Variants in SLAIN1 observed in about 807,000 individuals in gnomAD.
The protein encoded by SLAIN1 is SLAIN motif-containing protein 1.
In SLAIN1, 17 loss-of-function variants were observed where a neutral mutation model predicts 55.4. The observed-to-expected ratio is 0.31, with a 90% confidence interval of 0.21 to 0.46. The LOEUF is 0.46. Among genes scored for constraint, SLAIN1 ranks in the 20% least tolerant of loss-of-function variants. SLAIN1 has a pLI of 1.00. For missense variants in SLAIN1, 682 were observed against 785.1 expected, an observed-to-expected ratio of 0.87 and a Z score of 1.57; for synonymous variants, 348 against 337.4, an observed-to-expected ratio of 1.03 and a Z score of -0.35.
chr13:77,761,022 A>T lies in SLAIN1; in HGVS notation c.1609A>T (p.Ile537Leu), dbSNP rs369194041. Residue 537 changes from isoleucine to leucine, a missense_variant, in exon 6 of 7, where the codon ATA (isoleucine) becomes TTA (leucine). Ile to Leu is a conservative substitution (Grantham distance 5). Around this residue, in one of 3 missense-constraint regions of SLAIN1, gnomAD observed 244 missense variants for 295.2 expected, o/e 0.83. Coordinates refer to ENST00000418532, the MANE Select transcript of SLAIN1 (RefSeq NM_001242868.2). ...ACCGAACAAAGCTGCAGCTTCTGGG[A>T]TAATGGGTCGCAGTGCACTCCCAAG... ...PTPNKAAASG[I>L]MGRSALPRPS... 18 of 1,614,214 alleles carry T rather than the reference A, an allele frequency of 1.1e-5. No individual in the cohort carries two copies. In the African/African-American group the frequency reaches 1.5e-4, roughly 13 times the overall value.
intron 1 of SLAIN1, among the ~76,000 whole-genome samples, chr13:77,716,282 A>G (rs903701429): frequency 6.6e-6 from 1 of 151,638 alleles, no homozygotes; most frequent in African/African-American, 2.4e-5. Flanking sequence ...ATGCTACACT[A>G]AACTGTTTTC....
chr13:77,731,133 A>C (rs1397064011), intron 2 of SLAIN1, among the ~76,000 whole-genome samples: 1 of 152,168 alleles, frequency 6.6e-6, no homozygotes, highest in African/African-American at 2.4e-5. Flanking sequence ...TTTCTTTGAC[A>C]GATCCTCAGG....
intron 2 of SLAIN1, among the ~76,000 whole-genome samples, chr13:77,733,028 C>A (rs1379497724): frequency 2.0e-5 from 3 of 152,074 alleles, no homozygotes. Flanking sequence ...TGATTAGATG[C>A]CTTATCCATT....
At chr13:77,737,246 C>T (rs1375231663) in intron 2 of SLAIN1, among the ~76,000 whole-genome samples, 2 of 152,030 alleles carry the variant, frequency 1.3e-5, no homozygotes, top group African/African-American at 4.8e-5. Flanking sequence ...AAATGTGGCT[C>T]ATTGAACCTA....
chr13:77,698,544 T>C lies in SLAIN1; in HGVS notation c.626+5T>C, dbSNP rs934111393. ...GGACGAGGACGACTACACCTGGTAC[T>C]GCCTGGCTCCGCTCCTTCCCCGAGA... On this transcript the variant is annotated splice_donor_5th_base_variant and intron_variant, in intron 1 of 6. Coordinates refer to ENST00000418532, the MANE Select transcript of SLAIN1 (RefSeq NM_001242868.2). This position sits in a 1 kb window ranked among gnomAD's most constrained non-coding sequence, Gnocchi z 4.1. 5 of 1,421,834 alleles carry C rather than the reference T, an allele frequency of 3.5e-6. No homozygotes were observed. Among genetic ancestry groups the C allele is most frequent in the Non-Finnish European group, 4.6e-6 (5 of 1,098,352 alleles). 88.1% of individuals were successfully genotyped at this position (1,421,834 alleles called of 1,614,324 possible).
Position 77,763,130 on chromosome 13 carries a change from C to A in SLAIN1, c.1698-15C>A. The A allele has an allele frequency of 6.2e-7, 1 of 1,609,160 alleles. No homozygotes were observed. Among genetic ancestry groups the A allele is most frequent in the Non-Finnish European group, 8.5e-7 (1 of 1,175,872 alleles). On this transcript the variant is annotated splice_polypyrimidine_tract_variant and intron_variant, in intron 6 of 6. Coordinates refer to ENST00000418532, the MANE Select transcript of SLAIN1 (RefSeq NM_001242868.2). ...ATTAACAATCTCTCTCTCTGTTTTT[C>A]TTGTCTCTTTTTAGTTTTCTTCAGC... is the stretch of plus-strand genomic sequence containing the variant.
At chr13:77,701,746 C>T (rs1429749802) in intron 1 of SLAIN1, among the ~76,000 whole-genome samples, 1 of 151,696 alleles carries the variant, frequency 6.6e-6, no homozygotes, top group Admixed American at 6.6e-5. Context: ...TTCTTTCTTT[C>T]TTTCTTTCTT....
chr13:77,752,098 T>C (rs912143791), intron 4 of SLAIN1, among the ~76,000 whole-genome samples: 1 of 152,160 alleles, frequency 6.6e-6, no homozygotes, highest in African/African-American at 2.4e-5. Context: ...AGCATTCTCT[T>C]GGTCTTTTTT....
chr13:77,698,341 C>T lies in SLAIN1; in HGVS notation c.428C>T (p.Pro143Leu), dbSNP rs1429081090. ...CTGCTTTGCAGCCTGGCGCAGCCACCCGAGGCGCCCTTCGTCTACTTCAAG... is the reference window on the plus strand; with the variant it reads ...CTGCTTTGCAGCCTGGCGCAGCCACTCGAGGCGCCCTTCGTCTACTTCAAG... Reference protein sequence around the residue: ...PSLLCSLAQPPEAPFVYFKPA... With the variant: ...PSLLCSLAQPLEAPFVYFKPA... Residue 143 changes from proline (P) to leucine (L), a missense_variant, in exon 1 of 7, where the codon CCC becomes CTC. Physicochemically the swap from Pro to Leu is moderately conservative, Grantham distance 98. Coordinates refer to ENST00000418532, the MANE Select transcript of SLAIN1 (RefSeq NM_001242868.2). This position sits in a 1 kb window ranked among gnomAD's most constrained non-coding sequence, Gnocchi z 4.1. 6.9e-7 allele frequency: 1 copy of T among 1,448,106 alleles called. No homozygotes were observed. Among genetic ancestry groups the T allele is most frequent in the South Asian group, 1.3e-5 (1 of 75,738 alleles). The allele number at this position is 1,448,106 out of a possible 1,614,324, so 89.7% of individuals were successfully genotyped here.
rs2091001078 is a variant in SLAIN1 at position 77,698,826 on chromosome 13, C to T, written c.626+287C>T. On this transcript the variant is annotated intron_variant, in intron 1 of 6. Transcript: ENST00000418532. The surrounding 1 kb of genome is among the most constrained non-coding windows in gnomAD (Gnocchi z 4.1). The stretch of plus-strand genomic sequence containing the variant: ...TCTGCTATTTGCTGATTGTTGGGTC[C>T]CAAGCTCCTCGTTAGCATTAAGTGC... 1 of 1,461,852 alleles carries T rather than the reference C, an allele frequency of 6.8e-7. No homozygotes were observed. Among genetic ancestry groups the T allele is most frequent in the Admixed American group, 2.1e-5 (1 of 46,608 alleles). 90.6% of individuals were successfully genotyped at this position (1,461,852 alleles called of 1,614,324 possible).
chr13:77,747,879 A>G (rs868472633), intron 4 of SLAIN1, among the ~76,000 whole-genome samples: 1 of 152,132 alleles, frequency 6.6e-6, no homozygotes, highest in African/African-American at 2.4e-5. Context: ...TCTAAGAACT[A>G]TGGGAGAAGC....
intron 1 of SLAIN1, among the ~76,000 whole-genome samples, chr13:77,710,058 C>T (rs1031853985): frequency 6.6e-6 from 1 of 151,984 alleles, no homozygotes; most frequent in Non-Finnish European, 1.5e-5. Context: ...AGGTGTGAGC[C>T]ACCGCATCTG....
intron 4 of SLAIN1, among the ~76,000 whole-genome samples, chr13:77,751,068 T>G (rs1055167893): frequency 6.6e-6 from 1 of 152,194 alleles, no homozygotes; most frequent in African/African-American, 2.4e-5. Flanking sequence ...AAGAGCTGAG[T>G]TTGATTTTGA....
At chr13:77,744,630 C>T (rs117857176) in intron 3 of SLAIN1, 198 bp downstream of exon 3, 7,576 of 724,112 alleles carry the variant, frequency 0.01, 105 homozygotes, top group Non-Finnish European at 0.012. Flanking sequence ...GATGAAAACA[C>T]ATTGATACAT....
chr13:77,709,541 C>T (rs994826315), intron 1 of SLAIN1, among the ~76,000 whole-genome samples: 1 of 152,196 alleles, frequency 6.6e-6, no homozygotes, highest in Non-Finnish European at 1.5e-5. Flanking sequence ...GCCCATTAGA[C>T]TAACAGCGGA....
intron 2 of SLAIN1, 37 bp downstream of exon 2, chr13:77,719,708 T>C: frequency 6.2e-7 from 1 of 1,602,676 alleles, no homozygotes; most frequent in Non-Finnish European, 8.5e-7. Flanking sequence ...TCTCCAACTC[T>C]TGTCACTCTC....
intron 1 of SLAIN1, among the ~76,000 whole-genome samples, chr13:77,710,102 C>T (rs576615681): frequency 6.6e-6 from 1 of 152,132 alleles, no homozygotes; most frequent in African/African-American, 2.4e-5. Context: ...AAGGAAAAAC[C>T]AGTACCAGCC....
chr13:77,749,587 G>C (rs1024534293), intron 4 of SLAIN1, among the ~76,000 whole-genome samples: 2 of 152,118 alleles, frequency 1.3e-5, no homozygotes, highest in South Asian at 4.1e-4. Context: ...AAGCTCATTT[G>C]AATTCTTTAC....
At chr13:77,716,033 A>T (rs2091203295) in intron 1 of SLAIN1, among the ~76,000 whole-genome samples, 1 of 152,078 alleles carries the variant, frequency 6.6e-6, no homozygotes, top group East Asian at 1.9e-4. Context: ...GGTTTCTTAT[A>T]AAAGTGTTAC....
Sources: gnomAD v4.1 joint callset for allele counts (sites outside exome capture counted in the v4.1 genomes callset) on GRCh38, gnomAD v4.1.1 for gene constraint, gnomAD v4.1.1 regional missense constraint, Gnocchi (gnomAD v3.1) non-coding constraint, MANE v1.5 for transcripts, NCBI Gene and HGNC (gene_info 2026-07-23, HGNC 2026-07-21) for gene names.